LRP1B: variants seen among roughly 807,000 people sequenced by gnomAD.
The protein encoded by LRP1B is low-density lipoprotein receptor-related protein 1B.
Under a neutral mutation model 556.6 loss-of-function variants are expected in LRP1B, and 217 were observed. The observed-to-expected ratio is 0.39, with a 90% confidence interval of 0.35 to 0.44. LRP1B has a LOEUF of 0.44. Among genes scored for constraint, LRP1B ranks in the 20% least tolerant of loss-of-function variants. LRP1B has a pLI of 1.00. For synonymous variants in LRP1B, 2,047 were observed against 1,865.8 expected, an observed-to-expected ratio of 1.10 and a Z score of -2.50; for missense variants, 5,053 against 5,620.8, an observed-to-expected ratio of 0.90 and a Z score of 3.23.
intron 2 of LRP1B, among the ~76,000 whole-genome samples, chr2:141,486,491 G>A (rs1005432886): frequency 6.6e-6 from 1 of 152,120 alleles, no homozygotes; most frequent in African/African-American, 2.4e-5. Flanking sequence ...GTTTTGTGGA[G>A]AGGGAAATTT....
At chr2:140,978,165 A>G (rs954067998) in intron 18 of LRP1B, among the ~76,000 whole-genome samples, 2 of 152,226 alleles carry the variant, frequency 1.3e-5, no homozygotes, top group Non-Finnish European at 2.9e-5. Context: ...GTGCACCCAC[A>G]TATAATCTCA....
At chr2:141,141,526 A>C (rs1347694567) in intron 7 of LRP1B, among the ~76,000 whole-genome samples, 1 of 152,172 alleles carries the variant, frequency 6.6e-6, no homozygotes, top group African/African-American at 2.4e-5. Context: ...TTTACTGACA[A>C]GATAGGTAAA....
intron 43 of LRP1B, among the ~76,000 whole-genome samples, chr2:140,544,060 G>A (rs193050679): frequency 1.3e-5 from 2 of 152,130 alleles, no homozygotes; most frequent in Non-Finnish European, 2.9e-5. Flanking sequence ...ATATATATGT[G>A]TCATTTATCA....
intron 60 of LRP1B, among the ~76,000 whole-genome samples, chr2:140,466,576 A>G (rs1454820913): frequency 6.6e-6 from 1 of 152,194 alleles, no homozygotes; most frequent in African/African-American, 2.4e-5. Flanking sequence ...ACAAAATATA[A>G]AAGAGTTCAG....
At chr2:141,072,274 C>G (rs1026206114) in intron 7 of LRP1B, among the ~76,000 whole-genome samples, 12 of 152,074 alleles carry the variant, frequency 7.9e-5, no homozygotes, top group Non-Finnish European at 1.6e-4. Flanking sequence ...AGCACCCATC[C>G]TTGAAGAATC....
chr2:141,003,505 A>C (rs1697484266), intron 15 of LRP1B, among the ~76,000 whole-genome samples: 1 of 152,058 alleles, frequency 6.6e-6, no homozygotes, highest in Non-Finnish European at 1.5e-5. Flanking sequence ...TATGGGGACA[A>C]GTCTTTCTCA....
intron 1 of LRP1B, among the ~76,000 whole-genome samples, chr2:141,982,280 T>G (rs946361006): frequency 6.6e-6 from 1 of 152,112 alleles, no homozygotes; most frequent in African/African-American, 2.4e-5. Context: ...GAAATCTAAT[T>G]TAGAACAAGC....
rs1277098678 is a variant in LRP1B at position 141,029,100 on chromosome 2, GC to G, written c.1790-8999del. 2.6e-5 allele frequency among the ~76,000 whole-genome samples: 4 copies of G among 152,222 alleles called. No individual in the cohort carries two copies. In the South Asian group the frequency reaches 6.2e-4, roughly 24 times the overall value. On this transcript the variant is annotated intron_variant, in intron 11 of 90. Coordinates refer to ENST00000389484, the MANE Select transcript of LRP1B (RefSeq NM_018557.3). ...GAACGTTCCAGACACAGAAACATGT[GC>G]AAAAGCCCTGAGTTGGGACCATGTC... is the stretch of plus-strand genomic sequence containing the variant.
intron 31 of LRP1B, among the ~76,000 whole-genome samples, chr2:140,833,938 C>T (rs140944358): frequency 0.014 from 2,114 of 152,262 alleles, 77 homozygotes; most frequent in Admixed American, 0.075. Context: ...TACTATTTTA[C>T]TGTTTTTAAT....
chr2:141,898,767 G>T (rs1352979167), intron 1 of LRP1B, among the ~76,000 whole-genome samples: 2 of 152,036 alleles, frequency 1.3e-5, no homozygotes, highest in African/African-American at 2.4e-5. Flanking sequence ...ATTATCAGGA[G>T]ATATTACCTA....
At chr2:140,914,023 G>A (rs1201984014) in intron 21 of LRP1B, among the ~76,000 whole-genome samples, 10 of 152,132 alleles carry the variant, frequency 6.6e-5, no homozygotes, top group African/African-American at 2.2e-4. Flanking sequence ...TTCAAGAAGC[G>A]TTTCTTAATC....
At chr2:140,968,263 G>T (rs1304688634) in intron 18 of LRP1B, among the ~76,000 whole-genome samples, 4 of 151,740 alleles carry the variant, frequency 2.6e-5, no homozygotes, top group African/African-American at 9.7e-5. Flanking sequence ...TCTTGGGAGG[G>T]TGTATATGTC....
intron 7 of LRP1B, among the ~76,000 whole-genome samples, chr2:141,095,500 T>C (rs1048789764): frequency 3.4e-4 from 52 of 151,756 alleles, no homozygotes; most frequent in African/African-American, 1.3e-3. Flanking sequence ...AATTTTTTTT[T>C]TTCTAGAGGA....
rs145298030 is a variant in LRP1B, at chr2:141,662,419, C to T, written c.205+147860G>A. Among the ~76,000 whole-genome samples the T allele has an allele frequency of 8.5e-5, 13 of 152,240 alleles. No homozygotes were observed. The East Asian group carries it at 1.7e-3, about 20-fold the overall frequency. On this transcript the variant is annotated intron_variant, in intron 2 of 90. Transcript: ENST00000389484. Reference sequence around the variant, plus strand: ...TAAAGAGTCAAGACCCATCAAAGTGCTGTGTCCAAGAGACCCAGCTCATGG... The same window carrying T: ...TAAAGAGTCAAGACCCATCAAAGTGTTGTGTCCAAGAGACCCAGCTCATGG...
In LRP1B at chr2:141,284,714, G is replaced by A. The variant is rs557373364; in HGVS notation, c.344-30073C>T. Among the ~76,000 whole-genome samples the A allele has an allele frequency of 3.3e-5, 5 of 152,260 alleles. No individual in the cohort carries two copies. The South Asian group carries it at 1.0e-3, about 32-fold the overall frequency. Reference sequence around the variant, plus strand: ...ATATTCAGTTATTATGTCAACATTTGTGAAAAGACTTTTTTCCACCTTGGC... The same window carrying A: ...ATATTCAGTTATTATGTCAACATTTATGAAAAGACTTTTTTCCACCTTGGC... On this transcript the variant is annotated intron_variant, in intron 3 of 90. Transcript: ENST00000389484.
chr2:140,552,564 A>C (rs1251703703), intron 43 of LRP1B, among the ~76,000 whole-genome samples: 1 of 152,102 alleles, frequency 6.6e-6, no homozygotes, highest in Non-Finnish European at 1.5e-5. Flanking sequence ...AAATCCATTA[A>C]ATTACCTGTT....
intron 31 of LRP1B, among the ~76,000 whole-genome samples, chr2:140,823,673 A>T (rs1691403294): frequency 6.6e-6 from 1 of 151,910 alleles, no homozygotes; most frequent in Non-Finnish European, 1.5e-5. Flanking sequence ...CTTATGAAAC[A>T]ACTTTGATTC....
intron 60 of LRP1B, among the ~76,000 whole-genome samples, 187 bp from the exon 61 acceptor site, chr2:140,457,838 A>G (rs893838550): frequency 2.6e-5 from 4 of 152,132 alleles, no homozygotes; most frequent in African/African-American, 9.7e-5. Flanking sequence ...CACAGGAGCT[A>G]GCTTTGCTCA....
At chr2:140,631,391 T>G (rs1683878285) in intron 41 of LRP1B, among the ~76,000 whole-genome samples, 1 of 152,150 alleles carries the variant, frequency 6.6e-6, no homozygotes, top group Non-Finnish European at 1.5e-5. Flanking sequence ...ACAATAATTA[T>G]AAGTTAAAGT....
Sources: allele counts gnomAD v4.1 joint callset (sites outside exome capture counted in the v4.1 genomes callset), GRCh38; gene constraint gnomAD v4.1.1; transcripts MANE v1.5; gene names NCBI Gene and HGNC (gene_info 2026-07-23, HGNC 2026-07-21).